The following PNKD variants were observed in gnomAD, a reference collection of about 807,000 sequenced individuals.
PNKD encodes probable thioesterase PNKD.
A neutral mutation model predicts 45.3 loss-of-function variants in PNKD; 36 were observed. The observed-to-expected ratio is 0.80, with a 90% CI of 0.61 to 1.05. The LOEUF (loss-of-function observed/expected upper bound fraction) is 1.05, where lower values mean the gene tolerates loss of function less well. PNKD is among the 50% of genes least tolerant of loss of function. The pLI is 0.00. For synonymous variants in PNKD, 197 were observed against 210.1 expected (o/e 0.94, Z 0.54); for missense variants, 511 against 506.6 (o/e 1.01, Z -0.08).
intron 2 of PNKD, chr2:218,279,467 G>T: frequency 1.1e-6 from 1 of 914,630 alleles, no homozygotes. Flanking sequence ...GCTGCAGCCT[G>T]GCCCAGAGGC....
rs1870123 is a variant in PNKD, at chr2:218,322,975, G to A, written c.237-16808G>A. On this transcript the variant is annotated intron_variant, in intron 2 of 9. Transcript: ENST00000273077. ...AACTGCGAGCTCCTGCCCCTTCCCA[G>A]GGCTCAGGCGACTGTGGACCCCGAT... Among the ~76,000 whole-genome samples, 95,391 of 152,010 alleles carry A rather than the reference G, an allele frequency of 0.63. 29,976 individuals carry two copies. Among genetic ancestry groups the A allele is most frequent in the South Asian group, 0.68 (3,263 of 4,828 alleles).
intron 2 of PNKD, among the ~76,000 whole-genome samples, chr2:218,313,899 ATTTCTTTTT>A (rs1693685642): frequency 1.0e-5 from 1 of 95,308 alleles, no homozygotes; most frequent in Non-Finnish European, 2.2e-5. Flanking sequence ...CATTTTCTTT[ATTTCTTTTT>A]TTTTTTTTTT....
intron 2 of PNKD, among the ~76,000 whole-genome samples, chr2:218,297,988 A>C (rs1362352448): frequency 6.8e-5 from 8 of 117,270 alleles, no homozygotes; most frequent in African/African-American, 2.8e-4. Context: ...ACAGAGGGAG[A>C]CTCCATCTCA....
intron 2 of PNKD, among the ~76,000 whole-genome samples, chr2:218,330,491 G>A (rs1242555334): frequency 6.6e-6 from 1 of 152,188 alleles, no homozygotes; most frequent in Non-Finnish European, 1.5e-5. Flanking sequence ...GGCAAGGAGT[G>A]GAAGGTGCAC....
chr2:218,335,984 A>G (rs1694477533), intron 2 of PNKD, among the ~76,000 whole-genome samples: 1 of 152,260 alleles, frequency 6.6e-6, no homozygotes, highest in Non-Finnish European at 1.5e-5. Flanking sequence ...TGGGAGGCCA[A>G]GGCGGGTTGA....
chr2:218,303,964 A>G (rs1394256037), intron 2 of PNKD, among the ~76,000 whole-genome samples: 3 of 152,008 alleles, frequency 2.0e-5, no homozygotes, highest in African/African-American at 4.8e-5. Flanking sequence ...AGCTGGTCCT[A>G]TGGACACCTC....
chr2:218,331,986 G>A (rs983846133), intron 2 of PNKD, among the ~76,000 whole-genome samples: 54 of 152,128 alleles, frequency 3.5e-4, no homozygotes, highest in African/African-American at 1.2e-3. Flanking sequence ...TCACTCTTGG[G>A]AGCACGGGAT....
Position 218,277,680 on chromosome 2 carries a change from G to A in PNKD, c.236+6131G>A. 3 of 1,614,168 alleles carry A rather than the reference G, an allele frequency of 1.9e-6. No individual in the cohort carries two copies. The South Asian group carries it at 3.3e-5, about 18-fold the overall frequency. The stretch of plus-strand genomic sequence containing the variant: ...AGCCCATGGCAAAAGTCTAAGGGAA[G>A]GAGAGAGACAAGAATGAAACACTTA... On this transcript the variant is annotated intron_variant, in intron 2 of 9. Coordinates refer to ENST00000273077, the MANE Select transcript of PNKD (RefSeq NM_015488.5).
intron 2 of PNKD, among the ~76,000 whole-genome samples, chr2:218,335,571 G>T (rs954186489): frequency 6.6e-6 from 1 of 151,092 alleles, no homozygotes; most frequent in Non-Finnish European, 1.5e-5. Flanking sequence ...TGTGTTCAGT[G>T]CCTGGCCAAT....
chr2:218,283,050 G>A (rs1464297947), intron 2 of PNKD, among the ~76,000 whole-genome samples: 2 of 152,186 alleles, frequency 1.3e-5, no homozygotes, highest in Non-Finnish European at 2.9e-5. Context: ...GGCTCTCTGT[G>A]AGTTCTACCT....
intron 2 of PNKD, among the ~76,000 whole-genome samples, chr2:218,320,531 G>A (rs975880021): frequency 3.9e-5 from 6 of 152,192 alleles, no homozygotes; most frequent in African/African-American, 1.4e-4. Context: ...TTGTGCCACT[G>A]CACTCCAGCC....
At chr2:218,293,091 C>A (rs1287445703) in intron 2 of PNKD, among the ~76,000 whole-genome samples, 1 of 152,160 alleles carries the variant, frequency 6.6e-6, no homozygotes, top group Non-Finnish European at 1.5e-5. Flanking sequence ...ATGCACTTTT[C>A]GAGTTTAAAA....
At position 218,341,576 on chromosome 2, in the gene PNKD, G is replaced by T. The variant is rs1221242346; in HGVS notation, c.567G>T (p.Arg189=). The change falls in exon 6 of 10, where the codon CGG becomes CGT. Residue 189 remains arginine, a synonymous_variant. Transcript: ENST00000273077. Reference sequence around the variant, plus strand: ...ACCGTGACCTCAGCCGGCGGCACCGGGACTGTCGGGTGTACGGGAGCCCTC... The same window carrying T: ...ACCGTGACCTCAGCCGGCGGCACCGTGACTGTCGGGTGTACGGGAGCCCTC... ...GGNRDLSRRH[R]DCRVYGSPQD... The T allele has an allele frequency of 1.3e-6, 2 of 1,599,960 alleles. No individual in the cohort carries two copies. The highest frequency in any genetic ancestry group is 8.5e-7 in the Non-Finnish European group (1 of 1,173,666).
At chr2:218,271,853 G>A (rs1029259316) in intron 2 of PNKD, among the ~76,000 whole-genome samples, 14 of 152,222 alleles carry the variant, frequency 9.2e-5, no homozygotes, top group South Asian at 2.1e-4. Flanking sequence ...AGTTCGTTGA[G>A]ATCATGTGAG....
intron 2 of PNKD, chr2:218,274,253 A>G (rs1485560993): frequency 6.5e-6 from 1 of 154,986 alleles, no homozygotes; most frequent in African/African-American, 2.4e-5. Flanking sequence ...TTTGTGTGAT[A>G]TAGTTAGGAT....
At position 218,302,999 on chromosome 2, in the gene PNKD, G is replaced by C. The variant is rs1693311680; in HGVS notation, c.236+31450G>C. Among the ~76,000 whole-genome samples, 3 of 152,114 alleles carry C rather than the reference G, an allele frequency of 2.0e-5. No homozygotes were observed. The South Asian group carries it at 6.2e-4, about 32-fold the overall frequency. Reference sequence around the variant, plus strand: ...CTGTTCCCCAGGCTGGAGTGCAGTTGTGCCATCTTAGCTCACTGCAACTTC... The same window carrying C: ...CTGTTCCCCAGGCTGGAGTGCAGTTCTGCCATCTTAGCTCACTGCAACTTC... On this transcript the variant is annotated intron_variant, in intron 2 of 9. Coordinates refer to ENST00000273077, the MANE Select transcript of PNKD (RefSeq NM_015488.5).
chr2:218,291,828 G>A (rs1156329485), intron 2 of PNKD, among the ~76,000 whole-genome samples: 2 of 152,234 alleles, frequency 1.3e-5, no homozygotes, highest in African/African-American at 4.8e-5. Flanking sequence ...CCGGGAAACA[G>A]TGGCTGGAAG....
intron 2 of PNKD, chr2:218,279,297 G>A (rs1691602074): frequency 6.3e-7 from 1 of 1,585,126 alleles, no homozygotes; most frequent in South Asian, 1.2e-5. Context: ...ACACAAAGGT[G>A]AAGATAGCAA....
chr2:218,342,043 C>T lies in PNKD; in HGVS notation c.680C>T (p.Pro227Leu). The change falls in exon 7 of 10, where the codon CCT (proline) becomes CTT (leucine). Residue 227 changes from proline to leucine, a missense_variant. By Grantham distance (98) the Pro-to-Leu change is moderately conservative. Coordinates refer to ENST00000273077, the MANE Select transcript of PNKD (RefSeq NM_015488.5). ...GRLQIRALATPGHTQGHLVYL... is the reference protein window; with the variant it reads ...GRLQIRALATLGHTQGHLVYL... Reference sequence around the variant, plus strand: ...CTTCAGATCCGGGCCCTGGCTACACCTGGCCACACACAAGGCCATCTGGTC... The same window carrying T: ...CTTCAGATCCGGGCCCTGGCTACACTTGGCCACACACAAGGCCATCTGGTC... 1.2e-6 allele frequency: 2 copies of T among 1,612,502 alleles called. No individual in the cohort carries two copies. Among genetic ancestry groups the T allele is most frequent in the South Asian group, 1.1e-5 (1 of 91,044 alleles).
Sources: gnomAD v4.1 joint callset for allele counts (sites outside exome capture counted in the v4.1 genomes callset) on GRCh38, gnomAD v4.1.1 for gene constraint, MANE v1.5 for transcripts, NCBI Gene and HGNC (gene_info 2026-07-23, HGNC 2026-07-21) for gene names.